TAB2: variants seen among roughly 807,000 people sequenced by gnomAD.
TAB2 encodes the protein TGF-beta activated kinase 1 (MAP3K7) binding protein 2, also known as TGF-beta-activated kinase 1 and MAP3K7-binding protein 2.
Under a neutral mutation model 65.0 loss-of-function variants are expected in TAB2, and 3 were observed. The ratio of observed to expected loss-of-function variants is 0.05; its 90% CI spans 0.02 to 0.12. The LOEUF is 0.12. TAB2 is among the 10% of genes least tolerant of loss of function. TAB2 has a pLI of 1.00. For synonymous variants in TAB2, 298 were observed against 285.1 expected (o/e 1.05, Z -0.46); for missense variants, 623 against 840.3 (o/e 0.74, Z 3.20).
At chr6:149,372,285 A>C (rs1223833744) in intron 2 of TAB2, 1 of 152,216 alleles carries the variant, frequency 6.6e-6, no homozygotes, top group African/African-American at 2.4e-5. Context: ...GAGCAAGACA[A>C]ATAAATATTT....
chr6:149,398,804 T>C (rs1782264405), intron 5 of TAB2, among the ~76,000 whole-genome samples: 1 of 152,174 alleles, frequency 6.6e-6, no homozygotes, highest in South Asian at 2.1e-4. Flanking sequence ...AATTTTAAGT[T>C]ATTTTAACTT....
chr6:149,294,198 G>A (rs1419859962), intron 1 of TAB2, among the ~76,000 whole-genome samples: 1 of 152,188 alleles, frequency 6.6e-6, no homozygotes, highest in Non-Finnish European at 1.5e-5. Context: ...AATCCTGGAG[G>A]CTGGAAGTCT....
intron 1 of TAB2, among the ~76,000 whole-genome samples, chr6:149,279,945 T>C (rs1017350335): frequency 6.6e-6 from 1 of 152,248 alleles, no homozygotes; most frequent in Non-Finnish European, 1.5e-5. Context: ...TTTGACCTCA[T>C]GCCTGCCTTT....
chr6:149,222,372 C>A (rs1009520811), intron 1 of TAB2, among the ~76,000 whole-genome samples: 4 of 152,110 alleles, frequency 2.6e-5, no homozygotes, highest in Non-Finnish European at 4.4e-5. Context: ...AATCCCAACA[C>A]TTTGGGAGGC....
rs897311433 is a variant in TAB2, at chr6:149,383,525, TCTC to T, written c.1603+4010_1603+4012del. Among the ~76,000 whole-genome samples, 15 of 152,326 alleles carry T rather than the reference TCTC, an allele frequency of 9.8e-5. No individual in the cohort carries two copies. In the East Asian group the frequency reaches 1.7e-3, roughly 18 times the overall value. On this transcript the variant is annotated intron_variant, in intron 3 of 6. Transcript: ENST00000637181. Reference sequence around the variant, plus strand: ...ATTGGTACTGTTCTCCAACTTTTCTTCTCCTTGTTTCTGTTTACTATGGAACTG... The same window carrying T: ...ATTGGTACTGTTCTCCAACTTTTCTTCTTGTTTCTGTTTACTATGGAACTG...
intron 1 of TAB2, chr6:149,246,047 T>C (rs1014022004): frequency 6.6e-6 from 1 of 152,266 alleles, no homozygotes; most frequent in Non-Finnish European, 1.5e-5. Context: ...GCCTCTTAAG[T>C]AGCTGAGACT....
At chr6:149,367,766 T>C (rs114119826) in intron 1 of TAB2, among the ~76,000 whole-genome samples, 1 of 152,068 alleles carries the variant, frequency 6.6e-6, no homozygotes, top group African/African-American at 2.4e-5. Flanking sequence ...AGCCAAGAAG[T>C]CTTGATGGTA....
intron 3 of TAB2, among the ~76,000 whole-genome samples, chr6:149,386,280 T>G (rs1583148179): frequency 6.6e-6 from 1 of 151,814 alleles, no homozygotes; most frequent in East Asian, 1.9e-4. Context: ...TGTTTAGTCA[T>G]TATTTTAACA....
chr6:149,280,551 C>T (rs929688026), intron 1 of TAB2, among the ~76,000 whole-genome samples: 1 of 152,056 alleles, frequency 6.6e-6, no homozygotes, highest in Non-Finnish European at 1.5e-5. Context: ...GATGAGAAAA[C>T]AGGCCAAAAA....
chr6:149,318,726 G>A (rs1779342073), intron 1 of TAB2: 2 of 152,356 alleles, frequency 1.3e-5, no homozygotes, highest in Non-Finnish European at 2.9e-5. Context: ...GGATCTTTCT[G>A]TTGCTGATGC....
At chr6:149,375,511 A>C (rs1434329746) in intron 2 of TAB2, among the ~76,000 whole-genome samples, 1 of 152,156 alleles carries the variant, frequency 6.6e-6, no homozygotes, top group Non-Finnish European at 1.5e-5. Context: ...TTGAGCGCTC[A>C]AGAGAATTAA....
At chr6:149,220,425 C>T (rs573632566) in intron 1 of TAB2, among the ~76,000 whole-genome samples, 105 of 152,288 alleles carry the variant, frequency 6.9e-4, no homozygotes, top group African/African-American at 2.4e-3. Context: ...AATACACACA[C>T]GATTACGGGA....
chr6:149,348,915 C>T (rs575156452), intron 1 of TAB2, among the ~76,000 whole-genome samples: 121 of 151,244 alleles, frequency 8.0e-4, no homozygotes, highest in Non-Finnish European at 1.5e-3. Flanking sequence ...TGCAGTGAGC[C>T]GAGATCGCAC....
At chr6:149,359,501 G>C (rs1444153708) in intron 1 of TAB2, among the ~76,000 whole-genome samples, 2 of 152,158 alleles carry the variant, frequency 1.3e-5, no homozygotes, top group African/African-American at 4.8e-5. Context: ...AATGGATAGA[G>C]ATTTAGCTGC....
intron 1 of TAB2, among the ~76,000 whole-genome samples, chr6:149,260,847 G>A (rs548339154): frequency 7.2e-5 from 11 of 152,190 alleles, no homozygotes; most frequent in African/African-American, 1.9e-4. Flanking sequence ...TATGCTATTC[G>A]GCCTTTAAAA....
chr6:149,403,478 C>G (rs994497717), intron 6 of TAB2, among the ~76,000 whole-genome samples: 1 of 151,338 alleles, frequency 6.6e-6, no homozygotes. Flanking sequence ...TAAGATCTGG[C>G]ACAAGCAAGG....
intron 1 of TAB2, among the ~76,000 whole-genome samples, chr6:149,259,792 T>C (rs11751093): frequency 0.17 from 25,759 of 152,194 alleles, 2,315 homozygotes; most frequent in East Asian, 0.27. Flanking sequence ...AGAGACATGA[T>C]ACAAGTGGCC....
At chr6:149,294,016 T>TAA (rs371482118) in intron 1 of TAB2, among the ~76,000 whole-genome samples, 80 of 152,068 alleles carry the variant, frequency 5.3e-4, no homozygotes, top group African/African-American at 1.9e-3. Flanking sequence ...AGTGAAGAGC[T>TAA]AAAAAAAACC....
At chr6:149,241,961 T>A (rs977885579) in intron 1 of TAB2, among the ~76,000 whole-genome samples, 3 of 152,134 alleles carry the variant, frequency 2.0e-5, no homozygotes, top group African/African-American at 7.2e-5. Context: ...CATCCTTGGC[T>A]ACTGCGTTCC....
Sources: gnomAD v4.1 joint callset for allele counts (sites outside exome capture counted in the v4.1 genomes callset) on GRCh38, gnomAD v4.1.1 for gene constraint, MANE v1.5 for transcripts, NCBI Gene and HGNC (gene_info 2026-07-23, HGNC 2026-07-21) for gene names.